The following ADGRL3 variants were observed in gnomAD, a reference collection of about 807,000 sequenced individuals.
ADGRL3 encodes the protein adhesion G protein-coupled receptor L3.
In ADGRL3, 62 loss-of-function variants were observed where a neutral mutation model predicts 153.5. The ratio of observed to expected loss-of-function variants is 0.40; its 90% confidence interval spans 0.33 to 0.50. The LOEUF (loss-of-function observed/expected upper bound fraction) is 0.50, where lower values mean the gene tolerates loss of function less well. ADGRL3 is among the 20% of genes least tolerant of loss of function. ADGRL3 has a pLI of 0.47. For synonymous variants in ADGRL3, 710 were observed against 672.5 expected (o/e 1.06, Z -0.86); for missense variants, 1,641 against 1,859.4 (o/e 0.88, Z 2.16).
At chr4:61,688,681 C>G (rs141204664) in intron 6 of ADGRL3, among the ~76,000 whole-genome samples, 11 of 152,098 alleles carry the variant, frequency 7.2e-5, no homozygotes, top group Non-Finnish European at 1.3e-4. Context: ...CCTAATTTAT[C>G]CTAGGATTTG....
At chr4:61,588,623 GAAAT>G (rs2098956600) in intron 5 of ADGRL3, among the ~76,000 whole-genome samples, 2 of 151,890 alleles carry the variant, frequency 1.3e-5, no homozygotes, top group Admixed American at 1.3e-4. Flanking sequence ...GCATTAATAA[GAAAT>G]AAGATATTAA....
intron 5 of ADGRL3, among the ~76,000 whole-genome samples, chr4:61,611,497 T>C (rs116023228): frequency 0.014 from 2,149 of 152,218 alleles, 60 homozygotes; most frequent in African/African-American, 0.048. Context: ...AATATGAGTA[T>C]TAGCAAGCTG....
chr4:61,314,189 T>C lies in ADGRL3; in HGVS notation c.-239-68935T>C, dbSNP rs186026634. Among the ~76,000 whole-genome samples the C allele has an allele frequency of 3.9e-3, 601 of 152,170 alleles. 3 individuals are homozygous for C. The highest frequency in any genetic ancestry group is 6.2e-3 in the Non-Finnish European group (420 of 68,010). ...TAGCACAAGCTGACTTTGTTTTATCTGAGTATACCTACTTTGAAGTTTTTT... is the reference window on the plus strand; with the variant it reads ...TAGCACAAGCTGACTTTGTTTTATCCGAGTATACCTACTTTGAAGTTTTTT... On this transcript the variant is annotated intron_variant, in intron 1 of 26. Coordinates refer to ENST00000683033, the MANE Select transcript of ADGRL3 (RefSeq NM_001387552.1).
intron 19 of ADGRL3, among the ~76,000 whole-genome samples, chr4:61,985,991 G>GT (rs1158483606): frequency 0.022 from 3,127 of 140,934 alleles, 114 homozygotes; most frequent in African/African-American, 0.075. Context: ...ATATAGGTTT[G>GT]TTTTTTTTTT....
chr4:61,858,699 TTTTG>T (rs566784610), intron 9 of ADGRL3, among the ~76,000 whole-genome samples: 329 of 152,340 alleles, frequency 2.2e-3, no homozygotes, highest in African/African-American at 7.0e-3. Context: ...ATTTGTCTTC[TTTTG>T]TTTGTTTGTT....
intron 1 of ADGRL3, among the ~76,000 whole-genome samples, chr4:61,290,096 G>A (rs182198646): frequency 2.0e-4 from 30 of 152,168 alleles, no homozygotes; most frequent in Admixed American, 1.9e-3. Context: ...GTGGGTCTTT[G>A]TGTGTCCACT....
chr4:61,657,334 A>G (rs2094468455), intron 5 of ADGRL3, among the ~76,000 whole-genome samples: 2 of 152,138 alleles, frequency 1.3e-5, no homozygotes, highest in Non-Finnish European at 2.9e-5. Context: ...CTCAAACTTC[A>G]TATCCCCCAA....
intron 8 of ADGRL3, among the ~76,000 whole-genome samples, chr4:61,812,977 CAT>C (rs2097648017): frequency 6.6e-6 from 1 of 152,074 alleles, no homozygotes; most frequent in Admixed American, 6.6e-5. Flanking sequence ...ATAAATTAAT[CAT>C]AATTGTAAAG....
chr4:61,422,972 C>T lies in ADGRL3; in HGVS notation c.-174+39783C>T, dbSNP rs916477947. On this transcript the variant is annotated intron_variant, in intron 2 of 26. Coordinates refer to ENST00000683033, the MANE Select transcript of ADGRL3 (RefSeq NM_001387552.1). ...GTAAATCCAAAGAAAGGTGAAAATT[C>T]CTCATGATTAATTCTTAGCCTTAGA... Among the ~76,000 whole-genome samples, 15 of 151,858 alleles carry T rather than the reference C, an allele frequency of 9.9e-5. 1 individual carries two copies. Among genetic ancestry groups the T allele is most frequent in the African/African-American group, 3.6e-4 (15 of 41,342 alleles).
intron 7 of ADGRL3, among the ~76,000 whole-genome samples, chr4:61,732,539 G>A (rs1305998120): frequency 6.6e-6 from 1 of 151,958 alleles, no homozygotes; most frequent in Admixed American, 6.6e-5. Flanking sequence ...CTCACAAAAA[G>A]GCTAGATATT....
chr4:61,648,648 AGAG>A (rs891015634), intron 5 of ADGRL3, among the ~76,000 whole-genome samples: 3 of 151,824 alleles, frequency 2.0e-5, no homozygotes, highest in African/African-American at 7.3e-5. Context: ...TTCTCTAACT[AGAG>A]GAGAAAGAAC....
chr4:61,868,983 A>G (rs941561173), intron 9 of ADGRL3, among the ~76,000 whole-genome samples: 5 of 152,138 alleles, frequency 3.3e-5, no homozygotes, highest in African/African-American at 4.8e-5. Flanking sequence ...AGGCTAGAGT[A>G]TAGCAGCTCA....
intron 2 of ADGRL3, among the ~76,000 whole-genome samples, chr4:61,392,459 A>G (rs1188117254): frequency 6.6e-6 from 1 of 151,262 alleles, no homozygotes; most frequent in Non-Finnish European, 1.5e-5. Flanking sequence ...GGCAGAGGGA[A>G]GGCAGATCAC....
intron 2 of ADGRL3, among the ~76,000 whole-genome samples, chr4:61,437,249 C>A (rs969649789): frequency 6.6e-6 from 1 of 151,200 alleles, no homozygotes; most frequent in Admixed American, 6.6e-5. Flanking sequence ...GATTAAACTC[C>A]TATATAAAAC....
At chr4:61,929,113 C>T (rs1372580199) in intron 13 of ADGRL3, among the ~76,000 whole-genome samples, 1 of 152,280 alleles carries the variant, frequency 6.6e-6, no homozygotes, top group Non-Finnish European at 1.5e-5. Flanking sequence ...TTGAAACTTA[C>T]TCCCCGGTAT....
intron 25 of ADGRL3, chr4:62,063,462 AC>A (rs1741279041): frequency 1.3e-5 from 8 of 617,770 alleles, no homozygotes; most frequent in South Asian, 5.6e-5. Context: ...TGCCTGATTG[AC>A]CTTTTTTTTT....
intron 9 of ADGRL3, among the ~76,000 whole-genome samples, chr4:61,837,146 A>G (rs2097949014): frequency 2.0e-5 from 3 of 152,146 alleles, no homozygotes; most frequent in African/African-American, 7.2e-5. Context: ...AATAGATTCT[A>G]AAGAGTAACT....
chr4:61,781,331 C>CAAAAAAAAAAA lies in ADGRL3; in HGVS notation c.1400-32472_1400-32462dup, dbSNP rs71281828. On this transcript the variant is annotated intron_variant, in intron 8 of 26. Transcript: ENST00000683033. ...GGCAAAAAGAGCAAAATTCTGCCTC[C>CAAAAAAAAAAA]AAAAAAAAAAAAAAAAGAAAAGAAA... is the stretch of plus-strand genomic sequence containing the variant. Among the ~76,000 whole-genome samples, 122 of 64,340 alleles carry CAAAAAAAAAAA rather than the reference C, an allele frequency of 1.9e-3. 1 individual carries two copies. The highest frequency in any genetic ancestry group is 7.7e-3 in the African/African-American group (115 of 15,030). 42.2% of individuals were successfully genotyped at this position (64,340 alleles called of 152,430 possible).
At chr4:61,839,399 T>C (rs1223961484) in intron 9 of ADGRL3, among the ~76,000 whole-genome samples, 1 of 151,982 alleles carries the variant, frequency 6.6e-6, no homozygotes, top group African/African-American at 2.4e-5. Context: ...TCTCACTATG[T>C]TGCCTGTGCT....
Sources: gnomAD v4.1 joint callset for allele counts (sites outside exome capture counted in the v4.1 genomes callset) on GRCh38, gnomAD v4.1.1 for gene constraint, MANE v1.5 for transcripts, NCBI Gene and HGNC (gene_info 2026-07-23, HGNC 2026-07-21) for gene names.